The following CPNE2 variants were observed in gnomAD, a reference collection of about 807,000 sequenced individuals.
CPNE2 encodes the protein copine-2.
CPNE2 carries 42 observed loss-of-function variants against 69.7 expected under a neutral mutation model. The observed-to-expected ratio is 0.60, with a 90% confidence interval of 0.47 to 0.78. CPNE2 has a LOEUF of 0.78. CPNE2 is among the 30% of genes least tolerant of loss of function. The probability of loss-of-function intolerance (pLI) is 0.00; values close to 1 mark genes in which losing one functional copy is unlikely to be tolerated. For missense variants in CPNE2, 587 were observed against 732.0 expected (o/e 0.80, Z 2.29); for synonymous variants, 294 against 289.8 (o/e 1.01, Z -0.15).
At chr16:57,137,496 A>T (rs1447715147) in intron 14 of CPNE2, among the ~76,000 whole-genome samples, 1 of 152,196 alleles carries the variant, frequency 6.6e-6, no homozygotes, top group Non-Finnish European at 1.5e-5. Context: ...ATTCGTGCTG[A>T]GCAGGAAGCA....
intron 12 of CPNE2, among the ~76,000 whole-genome samples, chr16:57,131,317 T>C (rs1355113784): frequency 6.6e-6 from 1 of 152,198 alleles, no homozygotes; most frequent in Non-Finnish European, 1.5e-5. Flanking sequence ...TTGCCTCCTG[T>C]CCTCTCTGGT....
At chr16:57,123,312 C>A in intron 9 of CPNE2, 102 bp from the exon 10 acceptor site, 1 of 1,213,258 alleles carries the variant, frequency 8.2e-7, no homozygotes, top group Non-Finnish European at 1.2e-6. Flanking sequence ...CTTTTTTTGA[C>A]CTCCTTGTCC....
At chr16:57,112,119 A>G (rs1477091255) in intron 2 of CPNE2, among the ~76,000 whole-genome samples, 4 of 152,200 alleles carry the variant, frequency 2.6e-5, no homozygotes, top group African/African-American at 7.2e-5. Context: ...GTTTACAAAG[A>G]GTTCCCATGG....
chr16:57,107,754 A>G (rs4783972), intron 1 of CPNE2, among the ~76,000 whole-genome samples: 1 of 151,686 alleles, frequency 6.6e-6, no homozygotes, highest in Non-Finnish European at 1.5e-5. Flanking sequence ...TGAAACTCAG[A>G]CACCCTATCA....
chr16:57,146,166 A>C lies in CPNE2; in HGVS notation c.1384A>C (p.Lys462Gln). ...ACGGCATGCCGTGGTGCAGGCTTCC[A>C]AGCTGCCCATGTCCATCATCATCGT... is the stretch of plus-strand genomic sequence containing the variant. ...ETRHAVVQAS[K>Q]LPMSIIIVGV... Residue 462 changes from lysine to glutamine, a missense_variant, in exon 15 of 16, where the codon AAG becomes CAG. Lys to Gln is a moderately conservative substitution (Grantham distance 53). This residue lies in a region of CPNE2 where 185 missense variants were observed against 252.3 expected (regional missense o/e 0.73). Transcript: ENST00000290776. The surrounding 1 kb of genome is among the most constrained non-coding windows in gnomAD (Gnocchi z 4.4). 1.3e-6 allele frequency: 2 copies of C among 1,584,894 alleles called. No homozygotes were observed. Among genetic ancestry groups the C allele is most frequent in the Non-Finnish European group, 1.7e-6 (2 of 1,164,594 alleles).
chr16:57,122,162 G>A (rs1190355928), intron 9 of CPNE2, among the ~76,000 whole-genome samples: 1 of 152,246 alleles, frequency 6.6e-6, no homozygotes, highest in Non-Finnish European at 1.5e-5. Flanking sequence ...CCATGGTACA[G>A]CCGGGGCCAC....
chr16:57,115,571 C>T (rs767142851), intron 4 of CPNE2, 21 bp downstream of exon 4: 4 of 1,580,114 alleles, frequency 2.5e-6, no homozygotes, highest in Non-Finnish European at 3.5e-6. Context: ...CCTCCCGGCT[C>T]TCCGCACCCC....
chr16:57,115,249 G>A (rs901251332), intron 3 of CPNE2, among the ~76,000 whole-genome samples: 4 of 152,144 alleles, frequency 2.6e-5, no homozygotes, highest in Non-Finnish European at 5.9e-5. Flanking sequence ...CAACTGCAGC[G>A]GGAGACCTCA....
chr16:57,126,379 T>C lies in CPNE2; in HGVS notation c.1061+386T>C, dbSNP rs538134185. Among the ~76,000 whole-genome samples the C allele has an allele frequency of 1.4e-3, 212 of 150,862 alleles. 1 individual carries two copies. The highest frequency in any genetic ancestry group is 5.2e-3 in the African/African-American group (209 of 40,160). ...AGATCATGGGACCAGAGGCCAGCCA[T>C]TCTGGTTCCTGGGCCTGGCGCCTAG... On this transcript the variant is annotated intron_variant, in intron 11 of 15. Coordinates refer to ENST00000290776, the MANE Select transcript of CPNE2 (RefSeq NM_152727.6).
At chr16:57,104,600 A>T (rs1409565140) in intron 1 of CPNE2, among the ~76,000 whole-genome samples, 1 of 152,216 alleles carries the variant, frequency 6.6e-6, no homozygotes, top group South Asian at 2.1e-4. Flanking sequence ...GTGCTCACAT[A>T]TGCAGATACG....
chr16:57,093,922 G>C (rs1374202268), intron 1 of CPNE2: 8 of 386,196 alleles, frequency 2.1e-5, no homozygotes, highest in Non-Finnish European at 4.2e-5. Flanking sequence ...TGGGAGACCT[G>C]GGTCTGAACC....
intron 14 of CPNE2, among the ~76,000 whole-genome samples, chr16:57,137,799 C>T (rs1383242084): frequency 6.6e-6 from 1 of 152,214 alleles, no homozygotes; most frequent in East Asian, 1.9e-4. Context: ...CATCTGCAAC[C>T]GTGGTCTCCC....
intron 1 of CPNE2, chr16:57,093,943 C>T: frequency 2.4e-6 from 1 of 423,986 alleles, no homozygotes; most frequent in Non-Finnish European, 4.7e-6. Context: ...CCACCTATGA[C>T]CAACAGGGAA....
chr16:57,122,536 T>C (rs1440617840), intron 9 of CPNE2, among the ~76,000 whole-genome samples: 1 of 152,256 alleles, frequency 6.6e-6, no homozygotes, highest in Non-Finnish European at 1.5e-5. Flanking sequence ...CTTTTCACAA[T>C]TTCTGGCACC....
At position 57,113,290 on chromosome 16, in the gene CPNE2, C is replaced by T. The variant is rs143287801; in HGVS notation, c.183C>T (p.Tyr61=). Residue 61 remains tyrosine (Y), a splice_region_variant and synonymous_variant, in exon 3 of 16, where the codon TAC becomes TAT. Transcript: ENST00000290776. ...CCATTTTCCTGCCCCTCTGCTAGTACGACAGGACAGAAACCGCGATCAACA... is the reference window on the plus strand; with the variant it reads ...CCATTTTCCTGCCCCTCTGCTAGTATGACAGGACAGAAACCGCGATCAACA... ...FTENNGRWIE[Y]DRTETAINNL... The T allele has an allele frequency of 1.3e-5, 21 of 1,613,306 alleles. No individual in the cohort carries two copies. The highest frequency in any genetic ancestry group is 1.1e-4 in the African/African-American group (8 of 74,918).
intron 10 of CPNE2, chr16:57,124,347 G>T (rs1205628910): frequency 2.2e-6 from 1 of 455,442 alleles, no homozygotes; most frequent in Admixed American, 2.4e-5. Flanking sequence ...CTCTCAAAGT[G>T]CTAGGATTAC....
chr16:57,141,313 C>G (rs1049356721), intron 14 of CPNE2: 3 of 152,286 alleles, frequency 2.0e-5, no homozygotes, highest in Admixed American at 1.3e-4. Flanking sequence ...GGACTTGAGG[C>G]CCAAGCACCT....
chr16:57,126,533 A>T (rs1452609787), intron 11 of CPNE2, among the ~76,000 whole-genome samples: 1 of 152,084 alleles, frequency 6.6e-6, no homozygotes, highest in Non-Finnish European at 1.5e-5. Context: ...CAGTGAAGGG[A>T]AGCTGTGTGA....
At position 57,137,205 on chromosome 16, in the gene CPNE2, G is replaced by A. The variant is rs1390153672; in HGVS notation, c.1225G>A (p.Gly409Ser). The change falls in exon 14 of 16, where the codon GGT becomes AGT. Residue 409 changes from glycine to serine, a missense_variant. Physicochemically the swap from Gly to Ser is moderately conservative, Grantham distance 56. Around this residue, in one of 5 missense-constraint regions of CPNE2, gnomAD observed 185 missense variants for 252.3 expected, o/e 0.73. Coordinates refer to ENST00000290776, the MANE Select transcript of CPNE2 (RefSeq NM_152727.6). Reference protein sequence around the residue: ...SACLPHIRFYGPTNFSPIVNH... With the variant: ...SACLPHIRFYSPTNFSPIVNH... Reference sequence around the variant, plus strand: ...TTGCCTGCCCCACATCCGCTTCTACGGTCCTACCAATTTCTCCCCCATCGT... The same window carrying A: ...TTGCCTGCCCCACATCCGCTTCTACAGTCCTACCAATTTCTCCCCCATCGT... 2.5e-6 allele frequency: 4 copies of A among 1,614,196 alleles called. No homozygotes were observed. Among genetic ancestry groups the A allele is most frequent in the Admixed American group, 1.7e-5 (1 of 60,034 alleles).
Sources: gnomAD v4.1 joint callset for allele counts (sites outside exome capture counted in the v4.1 genomes callset) on GRCh38, gnomAD v4.1.1 for gene constraint, gnomAD v4.1.1 regional missense constraint, Gnocchi (gnomAD v3.1) non-coding constraint, MANE v1.5 for transcripts, NCBI Gene and HGNC (gene_info 2026-07-23, HGNC 2026-07-21) for gene names.